Variants in TCF12 observed in about 807,000 individuals in gnomAD.
The protein encoded by TCF12 is transcription factor 12.
In TCF12, 45 loss-of-function variants were observed where a neutral mutation model predicts 86.0. That is an observed-to-expected ratio of 0.52 (90% confidence interval 0.41 to 0.67). The LOEUF is 0.67. TCF12 is among the 30% of genes least tolerant of loss of function. The probability of loss-of-function intolerance (pLI) is 0.00; values close to 1 mark genes in which losing one functional copy is unlikely to be tolerated. For missense variants in TCF12, 881 were observed against 859.9 expected, an observed-to-expected ratio of 1.02 and a Z score of -0.31; for synonymous variants, 330 against 299.6, an observed-to-expected ratio of 1.10 and a Z score of -1.05.
At chr15:57,147,898 T>TTTTTG (rs1419687849) in intron 5 of TCF12, among the ~76,000 whole-genome samples, 8 of 151,634 alleles carry the variant, frequency 5.3e-5, no homozygotes, top group Non-Finnish European at 5.9e-5. Flanking sequence ...TTTTTTTTTT[T>TTTTTG]TAAACAAAGT....
intron 3 of TCF12, among the ~76,000 whole-genome samples, chr15:56,969,629 C>T (rs996136468): frequency 2.0e-5 from 3 of 151,668 alleles, no homozygotes; most frequent in Non-Finnish European, 2.9e-5. Context: ...CCTCCACCTC[C>T]TGGCTTCAAG....
intron 3 of TCF12, among the ~76,000 whole-genome samples, chr15:56,992,268 C>G (rs2140976169): frequency 6.6e-6 from 1 of 152,260 alleles, no homozygotes; most frequent in South Asian, 2.1e-4. Flanking sequence ...GAGACCCTGT[C>G]TCACAGTAAA....
At chr15:57,175,846 G>T (rs572602448) in intron 6 of TCF12, among the ~76,000 whole-genome samples, 3 of 152,260 alleles carry the variant, frequency 2.0e-5, no homozygotes, top group African/African-American at 7.2e-5. Context: ...TGGACAATAG[G>T]TAGAAATTAA....
At chr15:57,122,375 CATT>C (rs756389678) in intron 5 of TCF12, among the ~76,000 whole-genome samples, 13 of 152,148 alleles carry the variant, frequency 8.5e-5, no homozygotes, top group Non-Finnish European at 1.2e-4. Flanking sequence ...ATGTAATTCT[CATT>C]ATAATGATCA....
chr15:57,230,677 T>G (rs1252480908), intron 8 of TCF12, among the ~76,000 whole-genome samples: 2 of 152,110 alleles, frequency 1.3e-5, no homozygotes, highest in African/African-American at 4.8e-5. Context: ...TAGTTACCCC[T>G]TAATAGTAAC....
At chr15:56,953,716 A>G (rs541605428) in intron 3 of TCF12, among the ~76,000 whole-genome samples, 3 of 151,972 alleles carry the variant, frequency 2.0e-5, no homozygotes, top group Non-Finnish European at 4.4e-5. Flanking sequence ...GTTATTTATA[A>G]CATTAACTTA....
chr15:57,024,216 C>CTTTTTTTTTTTTTTTTTTTTT (rs59793819), intron 3 of TCF12, among the ~76,000 whole-genome samples: 11 of 111,284 alleles, frequency 9.9e-5, no homozygotes, highest in African/African-American at 3.4e-4. Context: ...AAAAAAGTGT[C>CTTTTTTTTTTTTTTTTTTTTT]TTTTTTTTTT....
intron 12 of TCF12, among the ~76,000 whole-genome samples, chr15:57,241,818 TC>T (rs1278186987): frequency 6.6e-6 from 1 of 151,924 alleles, no homozygotes; most frequent in East Asian, 1.9e-4. Context: ...CATAGCGAAA[TC>T]TTTTCTCTAC....
chr15:56,921,554 A>G (rs1437578052), intron 3 of TCF12, among the ~76,000 whole-genome samples: 1 of 151,954 alleles, frequency 6.6e-6, no homozygotes, highest in Non-Finnish European at 1.5e-5. Flanking sequence ...TCTTTTTTTA[A>G]CTTTTAAAAA....
intron 6 of TCF12, among the ~76,000 whole-genome samples, chr15:57,173,272 A>T (rs180761336): frequency 2.1e-4 from 32 of 152,346 alleles, no homozygotes; most frequent in Non-Finnish European, 3.2e-4. Context: ...GCCTTGAAGG[A>T]AAGTATACTT....
chr15:57,197,675 CAAGA>C (rs1184591245), intron 7 of TCF12, 94 bp from the exon 8 acceptor site: 51 of 1,402,236 alleles, frequency 3.6e-5, no homozygotes, highest in Non-Finnish European at 1.2e-5. Context: ...TATTGGAAAA[CAAGA>C]AAGACGCTAG....
At position 57,232,394 on chromosome 15, in the gene TCF12, C is replaced by A; in HGVS notation, c.789C>A (p.Ser263=). ...LGTSTSHMSQ[S]SSYGNLHSHD... is the part of the protein sequence containing the mutation. ...CCTCCACTTCCCACATGTCTCAATC[C>A]AGTAGTTATGGCAACCTTCATTCAC... Residue 263 remains serine, a synonymous_variant, in exon 10 of 21, where the codon TCC becomes TCA. Transcript: ENST00000333725. The A allele has an allele frequency of 1.2e-6, 2 of 1,611,404 alleles. No individual in the cohort carries two copies. Among genetic ancestry groups the A allele is most frequent in the Non-Finnish European group, 1.7e-6 (2 of 1,179,202 alleles).
chr15:56,951,318 C>A (rs2061264747), intron 3 of TCF12, among the ~76,000 whole-genome samples: 1 of 152,090 alleles, frequency 6.6e-6, no homozygotes, highest in African/African-American at 2.4e-5. Flanking sequence ...AGTATCTTTT[C>A]ATATACTTAC....
At chr15:57,050,116 C>G (rs1444661578) in intron 3 of TCF12, among the ~76,000 whole-genome samples, 15 of 152,128 alleles carry the variant, frequency 9.9e-5, no homozygotes, top group Admixed American at 2.0e-4. Context: ...CTGTATACCT[C>G]TTCCTATTCT....
At chr15:56,972,100 A>G (rs1214251989) in intron 3 of TCF12, among the ~76,000 whole-genome samples, 1 of 152,240 alleles carries the variant, frequency 6.6e-6, no homozygotes, top group Non-Finnish European at 1.5e-5. Context: ...AAGCTGTTAT[A>G]AAAGAAGTGA....
intron 8 of TCF12, among the ~76,000 whole-genome samples, chr15:57,210,708 TCAC>T (rs1566921495): frequency 6.6e-6 from 1 of 152,186 alleles, no homozygotes; most frequent in African/African-American, 2.4e-5. Flanking sequence ...CAGTCTGAAA[TCAC>T]CAGTGTTATG....
At chr15:57,040,152 G>C (rs756770899) in intron 3 of TCF12, among the ~76,000 whole-genome samples, 53 of 152,028 alleles carry the variant, frequency 3.5e-4, no homozygotes, top group Non-Finnish European at 6.5e-4. Context: ...TCTTCTGTCT[G>C]TGAAAACATG....
chr15:57,166,616 A>C, intron 6 of TCF12, 150 bp downstream of exon 6: 2 of 603,284 alleles, frequency 3.3e-6, no homozygotes, highest in Non-Finnish European at 5.1e-6. Context: ...TCTTTGCTTA[A>C]AATTGTTTCA....
At chr15:56,977,062 G>C (rs957375363) in intron 3 of TCF12, among the ~76,000 whole-genome samples, 1 of 152,080 alleles carries the variant, frequency 6.6e-6, no homozygotes, top group Non-Finnish European at 1.5e-5. Context: ...CTTTGCAGAA[G>C]GTTATATTGA....
Sources: allele counts gnomAD v4.1 joint callset (sites outside exome capture counted in the v4.1 genomes callset), GRCh38; gene constraint gnomAD v4.1.1; transcripts MANE v1.5; gene names NCBI Gene and HGNC (gene_info 2026-07-23, HGNC 2026-07-21).